Variants in STAU2 observed in about 807,000 individuals in gnomAD.
STAU2 encodes staufen double-stranded RNA binding protein 2.
A neutral mutation model predicts 65.9 loss-of-function variants in STAU2; 20 were observed. The observed-to-expected ratio is 0.30, with a 90% CI of 0.21 to 0.44. The LOEUF (loss-of-function observed/expected upper bound fraction) is 0.44, where lower values mean the gene tolerates loss of function less well. Ranked by LOEUF, STAU2 falls within the 20% of genes least tolerant of loss-of-function variation. The pLI is 1.00. For synonymous variants in STAU2, 232 were observed against 233.9 expected (o/e 0.99, Z 0.07); for missense variants, 558 against 683.9 (o/e 0.82, Z 2.05).
intron 13 of STAU2, among the ~76,000 whole-genome samples, chr8:73,530,980 A>G (rs1365888726): frequency 6.6e-6 from 1 of 152,206 alleles, no homozygotes; most frequent in Admixed American, 6.5e-5. Flanking sequence ...AGCACAATGG[A>G]GGCCACCAGG....
chr8:73,708,944 C>T (rs1409731226), intron 4 of STAU2, 88 bp downstream of exon 4: 10 of 1,310,618 alleles, frequency 7.6e-6, no homozygotes, highest in Non-Finnish European at 9.8e-6. Context: ...TGAACCCCCA[C>T]TCCCCAAAAT....
intron 13 of STAU2, among the ~76,000 whole-genome samples, chr8:73,448,986 C>A (rs1287989437): frequency 6.6e-6 from 1 of 152,178 alleles, no homozygotes; most frequent in East Asian, 1.9e-4. Context: ...ACTTCCTGGA[C>A]GAGGGGCAGC....
chr8:73,641,087 C>A (rs1431836210), intron 6 of STAU2, among the ~76,000 whole-genome samples: 1 of 152,088 alleles, frequency 6.6e-6, no homozygotes, highest in Non-Finnish European at 1.5e-5. Context: ...TATATTATGC[C>A]AAATTTAGAA....
In STAU2 at chr8:73,668,928, T is replaced by C. The variant is rs865931168; in HGVS notation, c.410+4179A>G. 5.0e-5 allele frequency: 32 copies of C among 646,434 alleles called. No homozygotes were observed. In the Middle Eastern group the frequency reaches 5.4e-3, roughly 109 times the overall value. The allele number at this position is 646,434 out of a possible 1,614,324, so 40.0% of individuals were successfully genotyped here. A position where few individuals can be genotyped will look rare whatever the true frequency, so the allele number is the denominator to read the frequency against. ...AGGTAATACCTAATTTTGCTTAATA[T>C]TACTTTAAGTAGAAAATAAAAGGAC... On this transcript the variant is annotated intron_variant, in intron 6 of 14. Transcript: ENST00000524300.
chr8:73,676,098 A>T (rs1818012593), intron 5 of STAU2, among the ~76,000 whole-genome samples: 1 of 152,164 alleles, frequency 6.6e-6, no homozygotes, highest in Admixed American at 6.5e-5. Context: ...GGAGAAAGCA[A>T]AACAGTTCTA....
intron 13 of STAU2, chr8:73,527,804 C>T: frequency 7.2e-6 from 11 of 1,534,926 alleles, no homozygotes; most frequent in Non-Finnish European, 9.6e-6. Flanking sequence ...CAGTAGTGAA[C>T]CTATAACAGA....
At chr8:73,626,387 T>C (rs1813640559) in intron 6 of STAU2, among the ~76,000 whole-genome samples, 1 of 152,198 alleles carries the variant, frequency 6.6e-6, no homozygotes. Context: ...AGTAGGAAAC[T>C]AGGTCTGAGA....
chr8:73,627,862 G>A (rs1193185741), intron 6 of STAU2, among the ~76,000 whole-genome samples: 1 of 151,078 alleles, frequency 6.6e-6, no homozygotes, highest in Non-Finnish European at 1.5e-5. Flanking sequence ...TAAAGACTTT[G>A]GGCAAGAAGC....
chr8:73,450,930 A>T (rs1198382413), intron 13 of STAU2, among the ~76,000 whole-genome samples: 2 of 152,088 alleles, frequency 1.3e-5, no homozygotes. Context: ...GTTACCAGCC[A>T]CCCTCCTGCT....
intron 13 of STAU2, among the ~76,000 whole-genome samples, chr8:73,427,398 T>C (rs1036356071): frequency 6.6e-6 from 1 of 152,252 alleles, no homozygotes; most frequent in African/African-American, 2.4e-5. Context: ...TATTTTAATG[T>C]GTTCATCCTG....
At chr8:73,618,500 T>C (rs1369713638) in intron 6 of STAU2, among the ~76,000 whole-genome samples, 1 of 152,122 alleles carries the variant, frequency 6.6e-6, no homozygotes, top group Non-Finnish European at 1.5e-5. Context: ...GGCAAAAGTT[T>C]AGGGAGACAG....
intron 13 of STAU2, among the ~76,000 whole-genome samples, chr8:73,472,010 T>C (rs1162233986): frequency 1.3e-5 from 2 of 152,114 alleles, no homozygotes; most frequent in African/African-American, 2.4e-5. Context: ...CCTACGTTGT[T>C]TGAGCTAAAT....
chr8:73,734,262 A>G (rs1174885751), intron 3 of STAU2, among the ~76,000 whole-genome samples: 5 of 123,600 alleles, frequency 4.0e-5, no homozygotes, highest in Admixed American at 1.8e-4. Context: ...TATCACACCT[A>G]ATTTTCTACA....
chr8:73,552,406 T>C (rs1333501310), intron 12 of STAU2, 87 bp from the exon 13 acceptor site: 2 of 1,210,084 alleles, frequency 1.7e-6, no homozygotes, highest in African/African-American at 3.1e-5. Flanking sequence ...CTTTACTTGG[T>C]GTAGTAACAA....
intron 4 of STAU2, among the ~76,000 whole-genome samples, chr8:73,708,783 T>C (rs996533822): frequency 6.6e-6 from 1 of 152,218 alleles, no homozygotes; most frequent in Non-Finnish European, 1.5e-5. Context: ...AAAATGGAAA[T>C]CAAAAATCCA....
chr8:73,633,270 GAAGAT>G (rs1275727531), intron 6 of STAU2, among the ~76,000 whole-genome samples: 1 of 152,236 alleles, frequency 6.6e-6, no homozygotes, highest in Non-Finnish European at 1.5e-5. Flanking sequence ...GAAAAACAGA[GAAGAT>G]AAGTTGCTTG....
intron 9 of STAU2, among the ~76,000 whole-genome samples, chr8:73,611,581 T>C (rs945143776): frequency 2.0e-5 from 3 of 151,996 alleles, no homozygotes; most frequent in Non-Finnish European, 4.4e-5. Context: ...TTTTAATAGC[T>C]ATAGTTAAAA....
chr8:73,746,937 T>C (rs978978688), upstream of STAU2: 16 of 892,708 alleles, frequency 1.8e-5, no homozygotes, highest in Non-Finnish European at 2.1e-5. Flanking sequence ...CGCCGCGCCC[T>C]CCCGCGCTCG....
chr8:73,657,051 A>C (rs1480599280), intron 6 of STAU2, among the ~76,000 whole-genome samples: 2 of 152,248 alleles, frequency 1.3e-5, no homozygotes, highest in Non-Finnish European at 2.9e-5. Flanking sequence ...CTATGCACCA[A>C]ATAATGCAGC....
Sources: gnomAD v4.1 joint callset for allele counts (sites outside exome capture counted in the v4.1 genomes callset) on GRCh38, gnomAD v4.1.1 for gene constraint, MANE v1.5 for transcripts, NCBI Gene and HGNC (gene_info 2026-07-23, HGNC 2026-07-21) for gene names.